Variants in PIK3R5 observed in about 807,000 individuals in gnomAD.
PIK3R5 encodes the protein phosphoinositide-3-kinase regulatory subunit 5.
A neutral mutation model predicts 94.9 loss-of-function variants in PIK3R5; 32 were observed. The observed-to-expected ratio is 0.34, with a 90% CI of 0.25 to 0.45. The LOEUF (loss-of-function observed/expected upper bound fraction) is 0.45, where lower values mean the gene tolerates loss of function less well. PIK3R5 is among the 20% of genes least tolerant of loss of function. The pLI is 1.00. For synonymous variants in PIK3R5, 443 were observed against 479.4 expected (o/e 0.92, Z 0.99); for missense variants, 853 against 1,144.6 (o/e 0.75, Z 3.68).
Position 8,884,316 on chromosome 17 carries a change from G to A in PIK3R5, c.2205+391C>T, listed in dbSNP as rs1460639075. On this transcript the variant is annotated intron_variant, in intron 15 of 18. Coordinates refer to ENST00000447110, the MANE Select transcript of PIK3R5 (RefSeq NM_001142633.3). This position sits in a 1 kb window ranked among gnomAD's most constrained non-coding sequence, Gnocchi z 5.8. ...ACAGCTCTCCTCACTCCTTTCTCAC[G>A]CCAATCCCATCTTGCATGCAGCCTG... Among the ~76,000 whole-genome samples, 4 of 151,696 alleles carry A rather than the reference G, an allele frequency of 2.6e-5. No individual in the cohort carries two copies. The highest frequency in any genetic ancestry group is 4.4e-5 in the Non-Finnish European group (3 of 67,922).
chr17:8,893,734 A>C lies in PIK3R5; in HGVS notation c.413-79T>G. 1 of 1,098,820 alleles carries C rather than the reference A, an allele frequency of 9.1e-7. No homozygotes were observed. The highest frequency in any genetic ancestry group is 1.4e-6 in the Non-Finnish European group (1 of 719,282). 68.1% of individuals were successfully genotyped at this position (1,098,820 alleles called of 1,614,324 possible). On this transcript the variant is annotated intron_variant, in intron 5 of 18. Transcript: ENST00000447110. The surrounding 1 kb of genome is among the most constrained non-coding windows in gnomAD (Gnocchi z 5.1). ...CCGTGTGCCTCGTGGGGAGCCAAGC[A>C]CTGGACAATCAGGTTGGAAATTCCC...
At chr17:8,940,929 C>T (rs190082909) in intron 1 of PIK3R5, among the ~76,000 whole-genome samples, 16 of 152,258 alleles carry the variant, frequency 1.1e-4, no homozygotes, top group Admixed American at 9.8e-4. Flanking sequence ...TGGACCCAGA[C>T]CTCCTCACCC....
At chr17:8,931,193 C>T (rs2090980711) in intron 1 of PIK3R5, among the ~76,000 whole-genome samples, 1 of 152,102 alleles carries the variant, frequency 6.6e-6, no homozygotes, top group African/African-American at 2.4e-5. Flanking sequence ...CTAGAATAAC[C>T]ACTACCAATA....
At chr17:8,963,055 A>G (rs2040556) in intron 1 of PIK3R5, among the ~76,000 whole-genome samples, 79,775 of 152,142 alleles carry the variant, frequency 0.52, 23,849 homozygotes, top group Non-Finnish European at 0.67. Flanking sequence ...TGACACGATC[A>G]TAGCTCACTG....
chr17:8,891,304 A>T (rs892350144), intron 6 of PIK3R5, among the ~76,000 whole-genome samples: 4 of 152,190 alleles, frequency 2.6e-5, no homozygotes, highest in Admixed American at 1.3e-4. Flanking sequence ...ATCAGTTTTC[A>T]GGGGGAGCTG....
chr17:8,889,251 G>A lies in PIK3R5; in HGVS notation c.812-29C>T. On this transcript the variant is annotated intron_variant, in intron 8 of 18. Coordinates refer to ENST00000447110, the MANE Select transcript of PIK3R5 (RefSeq NM_001142633.3). The surrounding 1 kb of genome is among the most constrained non-coding windows in gnomAD (Gnocchi z 4.1). The stretch of plus-strand genomic sequence containing the variant: ...TAAGAACAGGGAGGATAGGAGAAGA[G>A]GGCTGGGAAGAGGCCTTGGAGATTG... 1 of 1,577,920 alleles carries A rather than the reference G, an allele frequency of 6.3e-7. No homozygotes were observed. Among genetic ancestry groups the A allele is most frequent in the Non-Finnish European group, 8.7e-7 (1 of 1,150,964 alleles).
intron 1 of PIK3R5, 104 bp downstream of exon 1, chr17:8,965,492 T>C (rs1023272616): frequency 1.3e-5 from 2 of 152,228 alleles, no homozygotes; most frequent in African/African-American, 2.4e-5. Flanking sequence ...CTGCGGCGGC[T>C]GCTCGCGGAG....
chr17:8,906,279 C>T (rs561231670), intron 3 of PIK3R5, among the ~76,000 whole-genome samples: 3 of 152,014 alleles, frequency 2.0e-5, no homozygotes, highest in Non-Finnish European at 2.9e-5. Context: ...CCTGTGTCTG[C>T]GAAGCTATAA....
chr17:8,892,761 G>A lies in PIK3R5; in HGVS notation c.482+825C>T, dbSNP rs1358505836. ...TGTTGCTCAGGGGAGTGAGTGGGAA[G>A]TGAACCCCTGGGGCTGGGAATGAGG... On this transcript the variant is annotated intron_variant, in intron 6 of 18. Coordinates refer to ENST00000447110, the MANE Select transcript of PIK3R5 (RefSeq NM_001142633.3). This position sits in a 1 kb window ranked among gnomAD's most constrained non-coding sequence, Gnocchi z 4.3. 1.3e-5 allele frequency among the ~76,000 whole-genome samples: 2 copies of A among 152,210 alleles called. No homozygotes were observed. Among genetic ancestry groups the A allele is most frequent in the Non-Finnish European group, 2.9e-5 (2 of 68,038 alleles).
At chr17:8,944,636 G>A (rs2091242981) in intron 1 of PIK3R5, among the ~76,000 whole-genome samples, 3 of 152,174 alleles carry the variant, frequency 2.0e-5, no homozygotes, top group Admixed American at 2.0e-4. Flanking sequence ...GGTGAAATGG[G>A]AACATGGGAC....
At chr17:8,919,208 G>A (rs963516895) in intron 1 of PIK3R5, among the ~76,000 whole-genome samples, 5 of 152,210 alleles carry the variant, frequency 3.3e-5, no homozygotes, top group Non-Finnish European at 7.3e-5. Context: ...TTAGTTAATA[G>A]TACTCTGTTA....
rs375962326 is a variant in PIK3R5 at position 8,885,015 on chromosome 17, A to C, written c.2129-232T>G. Reference sequence around the variant, plus strand: ...GGGCCCATCTCCGCTGTGATCACACATTCCCAGGGTCCTGCCTCTCCAGGG... The same window carrying C: ...GGGCCCATCTCCGCTGTGATCACACCTTCCCAGGGTCCTGCCTCTCCAGGG... On this transcript the variant is annotated intron_variant, in intron 14 of 18. Coordinates refer to ENST00000447110, the MANE Select transcript of PIK3R5 (RefSeq NM_001142633.3). 418 of 500,936 alleles carry C rather than the reference A, an allele frequency of 8.3e-4. 1 individual carries two copies. Among genetic ancestry groups the C allele is most frequent in the South Asian group, 8.1e-3 (350 of 43,154 alleles). The allele number at this position is 500,936 out of a possible 1,614,324, so 31.0% of individuals were successfully genotyped here.
At position 8,879,116 on chromosome 17, in the gene PIK3R5, C is replaced by T. The variant is rs1404210284; in HGVS notation, c.*1523G>A. ...GACGGCCAGGCAAGGTAGAAGCTGG[C>T]TCTGTCCACGTCTCTCAAGTCATGA... On this transcript the variant is annotated 3_prime_UTR_variant, in exon 19 of 19. Coordinates refer to ENST00000447110, the MANE Select transcript of PIK3R5 (RefSeq NM_001142633.3). This position sits in a 1 kb window ranked among gnomAD's most constrained non-coding sequence, Gnocchi z 4.4. The T allele has an allele frequency of 6.6e-6, 1 of 152,196 alleles. No homozygotes were observed. Among genetic ancestry groups the T allele is most frequent in the East Asian group, 1.9e-4 (1 of 5,198 alleles). The allele number at this position is 152,196 out of a possible 1,614,324, so 9.4% of individuals were successfully genotyped here. A position where few individuals can be genotyped will look rare whatever the true frequency, so the allele number is the denominator to read the frequency against.
intron 1 of PIK3R5, among the ~76,000 whole-genome samples, chr17:8,913,932 C>T (rs1232129049): frequency 6.6e-6 from 1 of 152,204 alleles, no homozygotes; most frequent in Non-Finnish European, 1.5e-5. Context: ...TGGGATTGTG[C>T]TGGCACCTGG....
intron 1 of PIK3R5, among the ~76,000 whole-genome samples, chr17:8,943,581 G>C (rs572054573): frequency 6.6e-6 from 1 of 152,246 alleles, no homozygotes; most frequent in East Asian, 1.9e-4. Flanking sequence ...GACCAGCCTG[G>C]CCAATATGGG....
chr17:8,963,796 C>T (rs914729670), intron 1 of PIK3R5, among the ~76,000 whole-genome samples: 3 of 152,018 alleles, frequency 2.0e-5, no homozygotes, highest in Non-Finnish European at 2.9e-5. Context: ...TCATCCCTCT[C>T]GTAAGCTAGA....
chr17:8,888,614 G>A lies in PIK3R5; in HGVS notation c.1173C>T (p.Tyr391=), dbSNP rs549022094. 13 of 1,612,532 alleles carry A rather than the reference G, an allele frequency of 8.1e-6. No homozygotes were observed. The highest frequency in any genetic ancestry group is 6.7e-5 in the African/African-American group (5 of 75,044). The change falls in exon 10 of 19, where the codon TAC becomes TAT. Residue 391 remains tyrosine (Y), a synonymous_variant. Transcript: ENST00000447110. This position sits in a 1 kb window ranked among gnomAD's most constrained non-coding sequence, Gnocchi z 7.8. ...AGGAGCTCTCCTCGCTGTCCTCCAC[G>A]TAGCCGCTGTCCATGCCATCAGAGA... The part of the protein sequence containing the change: ...SGLSDGMDSG[Y]VEDSEESSSE...
chr17:8,880,656 T>G lies in PIK3R5; in HGVS notation c.2626A>C (p.Ser876Arg). The G allele has an allele frequency of 1.2e-6, 2 of 1,611,086 alleles. No individual in the cohort carries two copies. Among genetic ancestry groups the G allele is most frequent in the Non-Finnish European group, 1.7e-6 (2 of 1,178,680 alleles). ...SLLCLPIMTF[S>R]GALP ...GGCCCACACTAGGGCAGAGCTCCAC[T>G]GAAAGTCATGATGGGCAGGCAGAGA... Residue 876 changes from serine to arginine, a missense_variant, in exon 19 of 19, where the codon AGT becomes CGT. Around this residue, in one of 6 missense-constraint regions of PIK3R5, gnomAD observed 91 missense variants for 90.5 expected, o/e 1.01. Transcript: ENST00000447110.
intron 1 of PIK3R5, among the ~76,000 whole-genome samples, chr17:8,950,946 G>A (rs745878459): frequency 2.0e-5 from 3 of 152,148 alleles, no homozygotes; most frequent in African/African-American, 4.8e-5. Flanking sequence ...TCTCTCCACA[G>A]CCTCGCCAGC....
Sources: allele counts gnomAD v4.1 joint callset (sites outside exome capture counted in the v4.1 genomes callset), GRCh38; gene constraint gnomAD v4.1.1; regional missense constraint gnomAD v4.1.1; non-coding constraint Gnocchi (gnomAD v3.1); transcripts MANE v1.5; gene names NCBI Gene and HGNC (gene_info 2026-07-23, HGNC 2026-07-21).